ACACA: variants seen among roughly 807,000 people sequenced by gnomAD.
ACACA encodes acetyl-CoA carboxylase 1.
A neutral mutation model predicts 296.1 loss-of-function variants in ACACA; 103 were observed. That is an observed-to-expected ratio of 0.35 (90% CI 0.30 to 0.41). ACACA has a LOEUF of 0.41. Among genes scored for constraint, ACACA ranks in the 10% least tolerant of loss-of-function variants. The pLI, the probability that ACACA is intolerant of heterozygous loss-of-function variation, is 1.00. For missense variants in ACACA, 1,554 were observed against 2,989.7 expected, an observed-to-expected ratio of 0.52 and a Z score of 11.20; for synonymous variants, 953 against 1,038.6, an observed-to-expected ratio of 0.92 and a Z score of 1.58.
At chr17:37,099,377 A>C (rs750525120) in intron 52 of ACACA, among the ~76,000 whole-genome samples, 24 of 152,090 alleles carry the variant, frequency 1.6e-4, no homozygotes, top group Non-Finnish European at 2.5e-4. Context: ...AACAGCATGA[A>C]CGCACCGGGC....
At chr17:37,223,438 T>C (rs2079387399) in intron 28 of ACACA, 74 bp downstream of exon 28, 11 of 1,226,380 alleles carry the variant, frequency 9.0e-6, no homozygotes, top group South Asian at 6.0e-5. Context: ...AGAACTGACA[T>C]GGCAGCCAAA....
At chr17:37,367,216 A>C (rs2049638912) in intron 1 of ACACA, among the ~76,000 whole-genome samples, 1 of 148,902 alleles carries the variant, frequency 6.7e-6, no homozygotes, top group South Asian at 2.1e-4. Context: ...CAATTTTCTT[A>C]TTGGAAAAAG....
chr17:37,161,625 G>A, intron 42 of ACACA, 156 bp downstream of exon 42: 2 of 825,328 alleles, frequency 2.4e-6, no homozygotes, highest in South Asian at 1.8e-5. Context: ...TCTTTAATAT[G>A]GTGTCTTAAG....
chr17:37,274,814 C>A (rs2082207975), intron 8 of ACACA: 1 of 275,846 alleles, frequency 3.6e-6, no homozygotes, highest in African/African-American at 2.3e-5. Flanking sequence ...AGAACAAATT[C>A]AACCTTTTAT....
chr17:37,278,220 A>G (rs2082358256), intron 5 of ACACA, among the ~76,000 whole-genome samples: 1 of 152,228 alleles, frequency 6.6e-6, no homozygotes, highest in African/African-American at 2.4e-5. Context: ...AAGCTCTTAT[A>G]GTAAAATAGC....
chr17:37,315,037 C>T (rs1384042958), intron 3 of ACACA, among the ~76,000 whole-genome samples: 1 of 144,146 alleles, frequency 6.9e-6, no homozygotes, highest in Non-Finnish European at 1.5e-5. Flanking sequence ...CGGCTCACCA[C>T]AACCTCCACC....
intron 1 of ACACA, chr17:37,392,515 G>C (rs2050925690): frequency 6.6e-6 from 1 of 152,118 alleles, no homozygotes. Context: ...ACCTGATCTT[G>C]AATCAATGTT....
intron 3 of ACACA, among the ~76,000 whole-genome samples, chr17:37,304,520 C>T (rs574755925): frequency 6.6e-6 from 1 of 152,034 alleles, no homozygotes; most frequent in African/African-American, 2.4e-5. Flanking sequence ...AGGGGCCAGG[C>T]GCGGTGGCTC....
intron 25 of ACACA, among the ~76,000 whole-genome samples, chr17:37,231,703 A>G (rs2079866323): frequency 6.6e-6 from 1 of 152,220 alleles, no homozygotes; most frequent in South Asian, 2.1e-4. Flanking sequence ...AAAATAAGTT[A>G]CAAGTAGTGA....
intron 1 of ACACA, among the ~76,000 whole-genome samples, chr17:37,342,393 T>A (rs1438481473): frequency 4.4e-5 from 2 of 45,818 alleles, no homozygotes; most frequent in Non-Finnish European, 3.9e-5. Flanking sequence ...GTGGACAAAG[T>A]AAGACTGTCT....
chr17:37,399,155 A>G (rs1184179129), intron 1 of ACACA, among the ~76,000 whole-genome samples: 3 of 150,898 alleles, frequency 2.0e-5, no homozygotes, highest in African/African-American at 7.3e-5. Flanking sequence ...AATTTTTTAT[A>G]TTTTTAGTAG....
chr17:37,250,327 T>A (rs931146557), intron 16 of ACACA, among the ~76,000 whole-genome samples: 4 of 152,192 alleles, frequency 2.6e-5, no homozygotes, highest in South Asian at 2.1e-4. Flanking sequence ...ACCACATGAA[T>A]GTGTTAACTG....
At chr17:37,200,303 T>C in intron 34 of ACACA, 120 bp from the exon 35 acceptor site, 1 of 1,362,830 alleles carries the variant, frequency 7.3e-7, no homozygotes, top group South Asian at 1.2e-5. Flanking sequence ...AAATGAAACT[T>C]ACAGAAAAGT....
chr17:37,304,513 G>T (rs554918405), intron 3 of ACACA, among the ~76,000 whole-genome samples: 1 of 152,102 alleles, frequency 6.6e-6, no homozygotes, highest in African/African-American at 2.4e-5. Flanking sequence ...GTATTTAAGG[G>T]GCCAGGCGCG....
At chr17:37,274,503 TG>T in intron 8 of ACACA, 1 of 700,888 alleles carries the variant, frequency 1.4e-6, no homozygotes, top group Non-Finnish European at 1.8e-6. Flanking sequence ...TTCTTAACGC[TG>T]GCAAAAGCCA....
chr17:37,395,703 C>A (rs556505973), intron 1 of ACACA, among the ~76,000 whole-genome samples: 1 of 151,986 alleles, frequency 6.6e-6, no homozygotes, highest in Non-Finnish European at 1.5e-5. Flanking sequence ...CCACCATGCT[C>A]GGCTAATTTT....
intron 41 of ACACA, among the ~76,000 whole-genome samples, chr17:37,167,206 C>T (rs776367917): frequency 9.3e-5 from 14 of 149,736 alleles, no homozygotes; most frequent in Non-Finnish European, 1.8e-4. Context: ...GTGATCCGCC[C>T]GCCTTGGCCT....
chr17:37,354,817 G>C (rs1275437472), intron 1 of ACACA, among the ~76,000 whole-genome samples: 3 of 152,098 alleles, frequency 2.0e-5, no homozygotes, highest in Admixed American at 2.0e-4. Flanking sequence ...TGCAGTCCCA[G>C]CTACTCCAGA....
intron 3 of ACACA, among the ~76,000 whole-genome samples, chr17:37,292,716 T>G (rs897525398): frequency 2.0e-5 from 3 of 151,886 alleles, no homozygotes; most frequent in African/African-American, 4.8e-5. Context: ...AAACAAAAAT[T>G]AGCTGGGCGT....
Sources: allele counts gnomAD v4.1 joint callset (sites outside exome capture counted in the v4.1 genomes callset), GRCh38; gene constraint gnomAD v4.1.1; transcripts MANE v1.5; gene names NCBI Gene and HGNC (gene_info 2026-07-23, HGNC 2026-07-21).